The following TMC5 variants were observed in gnomAD, a reference collection of about 807,000 sequenced individuals.
The protein encoded by TMC5 is transmembrane channel-like protein 5.
A neutral mutation model predicts 110.5 loss-of-function variants in TMC5; 86 were observed. The ratio of observed to expected loss-of-function variants is 0.78; its 90% confidence interval spans 0.65 to 0.93. The LOEUF (loss-of-function observed/expected upper bound fraction) is 0.93, where lower values mean the gene tolerates loss of function less well. Among genes scored for constraint, TMC5 ranks in the 40% least tolerant of loss-of-function variants. The pLI is 0.00. For missense variants in TMC5, 1,144 were observed against 1,222.8 expected (o/e 0.94, Z 0.96); for synonymous variants, 455 against 439.5 (o/e 1.04, Z -0.44).
chr16:19,416,689 T>C (rs1317047750), upstream of TMC5, among the ~76,000 whole-genome samples: 1 of 152,190 alleles, frequency 6.6e-6, no homozygotes, highest in South Asian at 2.1e-4. Flanking sequence ...GTGGGCTGGT[T>C]TTATACTGCC....
chr16:19,457,984 A>C (rs1300079397), intron 5 of TMC5, among the ~76,000 whole-genome samples: 1 of 151,596 alleles, frequency 6.6e-6, no homozygotes, highest in East Asian at 2.0e-4. Context: ...TTGACTTCCC[A>C]AAGTGCTGGG....
intron 1 of TMC5, among the ~76,000 whole-genome samples, chr16:19,418,732 T>G (rs999051577): frequency 2.7e-5 from 4 of 149,776 alleles, no homozygotes; most frequent in East Asian, 1.9e-4. Context: ...TTTGTGTTTT[T>G]TTTTTTTTTT....
chr16:19,497,859 C>G (rs1427450067), intron 21 of TMC5, 61 bp from the exon 22 acceptor site: 1 of 1,524,516 alleles, frequency 6.6e-7, no homozygotes, highest in Admixed American at 1.8e-5. Flanking sequence ...GCTGGTCTTT[C>G]CCTTGTAGAG....
At chr16:19,457,115 C>T (rs747865318) in intron 5 of TMC5, 11 of 1,009,218 alleles carry the variant, frequency 1.1e-5, no homozygotes, top group South Asian at 8.2e-5. Context: ...TGGGGCCAGG[C>T]GTGGTGGCTC....
At chr16:19,414,225 G>T (rs1204404193), upstream of TMC5, among the ~76,000 whole-genome samples, 1 of 151,782 alleles carries the variant, frequency 6.6e-6, no homozygotes, top group Non-Finnish European at 1.5e-5. Flanking sequence ...TCCCACATCT[G>T]CTGCTTCCAG....
chr16:19,467,456 A>T (rs1032001059), intron 9 of TMC5, among the ~76,000 whole-genome samples: 5 of 151,948 alleles, frequency 3.3e-5, no homozygotes, highest in South Asian at 2.1e-4. Context: ...ACCCCATTTT[A>T]AAAAAATGTA....
rs554810973 is a variant in TMC5, at chr16:19,490,869, TCTTC to T, written c.2747+318_2747+321del. The stretch of plus-strand genomic sequence containing the variant: ...TTCCGTTCCTTTCCTCTTCATTTTT[TCTTC>T]CTTCCTTCCTTCCTTCTTTCTCCCT... On this transcript the variant is annotated intron_variant, in intron 18 of 21. Coordinates refer to ENST00000542583, the MANE Select transcript of TMC5 (RefSeq NM_001261841.2). Among the ~76,000 whole-genome samples the T allele has an allele frequency of 2.8e-3, 310 of 109,216 alleles. 3 individuals carry two copies. Among genetic ancestry groups the T allele is most frequent in the African/African-American group, 8.7e-3 (282 of 32,240 alleles). The allele number at this position is 109,216 out of a possible 152,430, so 71.6% of individuals were successfully genotyped here. A position where few individuals can be genotyped will look rare whatever the true frequency, so the allele number is the denominator to read the frequency against.
chr16:19,448,604 GTGAGAACC>G, intron 4 of TMC5, among the ~76,000 whole-genome samples: 1 of 149,870 alleles, frequency 6.7e-6, no homozygotes, highest in East Asian at 1.9e-4. Context: ...AGGTGACAGA[GTGAGAACC>G]TGTCTTAAAA....
chr16:19,462,770 C>T (rs1384525927), intron 6 of TMC5, among the ~76,000 whole-genome samples: 6 of 151,648 alleles, frequency 4.0e-5, no homozygotes, highest in Admixed American at 1.3e-4. Context: ...GCATGGTGGG[C>T]GCCTGTAATC....
chr16:19,487,135 G>A, intron 16 of TMC5, 58 bp from the exon 17 acceptor site: 5 of 1,604,244 alleles, frequency 3.1e-6, no homozygotes, highest in Non-Finnish European at 4.3e-6. Context: ...GGCCTGGCTG[G>A]GGTCCCTCTG....
intron 14 of TMC5, among the ~76,000 whole-genome samples, 177 bp downstream of exon 14, chr16:19,479,705 G>C (rs1293146433): frequency 5.9e-5 from 9 of 152,112 alleles, no homozygotes; most frequent in Non-Finnish European, 1.2e-4. Context: ...ACCTTAACCT[G>C]ACAGTTCTGT....
chr16:19,456,668 C>A, intron 5 of TMC5: 1 of 1,577,492 alleles, frequency 6.3e-7, no homozygotes, highest in South Asian at 1.2e-5. Context: ...TCTCAGGAAG[C>A]CCACCCCAGT....
chr16:19,469,654 A>T (rs1968276109), intron 9 of TMC5, 27 bp from the exon 10 acceptor site: 1 of 1,612,970 alleles, frequency 6.2e-7, no homozygotes, highest in African/African-American at 1.3e-5. Flanking sequence ...AATAACCTTC[A>T]GGTGTTCTGC....
At chr16:19,466,027 G>A (rs750643821) in intron 8 of TMC5, 55 bp from the exon 9 acceptor site, 26 of 1,596,158 alleles carry the variant, frequency 1.6e-5, no homozygotes, top group Admixed American at 1.2e-4. Flanking sequence ...GACCATAATC[G>A]TTTACCTTTT....
chr16:19,420,259 T>C (rs929331071), intron 1 of TMC5, among the ~76,000 whole-genome samples: 4 of 151,914 alleles, frequency 2.6e-5, no homozygotes, highest in Admixed American at 1.3e-4. Context: ...ACCCTGTCTC[T>C]ACTAAAACAC....
intron 4 of TMC5, among the ~76,000 whole-genome samples, chr16:19,446,164 C>A (rs1022778853): frequency 3.9e-5 from 6 of 151,926 alleles, no homozygotes; most frequent in Non-Finnish European, 5.9e-5. Context: ...GAGAATATTC[C>A]TTTGGGAGCA....
At chr16:19,491,372 GCTT>G (rs1968900718) in intron 18 of TMC5, among the ~76,000 whole-genome samples, 1 of 151,964 alleles carries the variant, frequency 6.6e-6, no homozygotes, top group Non-Finnish European at 1.5e-5. Context: ...TGTAGTCTGA[GCTT>G]CTTGGGAAGC....
At chr16:19,416,221 A>G (rs1966876564), upstream of TMC5, among the ~76,000 whole-genome samples, 1 of 151,870 alleles carries the variant, frequency 6.6e-6, no homozygotes, top group Non-Finnish European at 1.5e-5. Context: ...CGGTAACTAT[A>G]GACCCCAATA....
chr16:19,438,411 AG>A (rs1425261549), intron 2 of TMC5, among the ~76,000 whole-genome samples: 847 of 61,630 alleles, frequency 0.014, 28 homozygotes, highest in African/African-American at 0.032. Context: ...AAAAAAAAGA[AG>A]AAAGAAAAGA....
Sources: gnomAD v4.1 joint callset for allele counts (sites outside exome capture counted in the v4.1 genomes callset) on GRCh38, gnomAD v4.1.1 for gene constraint, MANE v1.5 for transcripts, NCBI Gene and HGNC (gene_info 2026-07-23, HGNC 2026-07-21) for gene names.